CEACAM5: variants seen among roughly 807,000 people sequenced by gnomAD.
CEACAM5 encodes CEA cell adhesion molecule 5.
In CEACAM5, 52 loss-of-function variants were observed where a neutral mutation model predicts 63.0. The ratio of observed to expected loss-of-function variants is 0.83; its 90% CI spans 0.66 to 1.04. The LOEUF is 1.04. Among genes scored for constraint, CEACAM5 ranks in the 50% least tolerant of loss-of-function variants. CEACAM5 has a pLI of 0.00. For missense variants in CEACAM5, 790 were observed against 864.8 expected (o/e 0.91, Z 1.08); for synonymous variants, 357 against 351.3 (o/e 1.02, Z -0.18).
At position 41,730,234 on chromosome 19, in the gene CEACAM5, C is replaced by T. The variant is rs1356098517; in HGVS notation, c.*1087C>T. ...AGGAGATCCAGACCATCCTGGCTAA[C>T]ACAGTGAAACCCCGTCTCTACTAAA... On this transcript the variant is annotated 3_prime_UTR_variant, in exon 10 of 10. Transcript: ENST00000221992. Among the ~76,000 whole-genome samples the T allele has an allele frequency of 3.9e-5, 6 of 152,094 alleles. No individual in the cohort carries two copies. Among genetic ancestry groups the T allele is most frequent in the African/African-American group, 1.4e-4 (6 of 41,418 alleles).
intron 2 of CEACAM5, among the ~76,000 whole-genome samples, chr19:41,712,350 C>A (rs2072449542): frequency 6.6e-6 from 1 of 152,216 alleles, no homozygotes; most frequent in Non-Finnish European, 1.5e-5. Flanking sequence ...GAGAAGTGAA[C>A]CAGCCACTGG....
rs375165799 is a variant in CEACAM5, at chr19:41,720,971, G to C, written c.1821G>C (p.Ser607=). ...IISPPDSSYL[S]GANLNLSCHS... is the part of the protein sequence containing the mutation. The stretch of plus-strand genomic sequence containing the variant: ...CCCCCCCAGACTCGTCTTACCTTTC[G>C]GGAGCGAACCTCAACCTCTCCTGCC... The change falls in exon 8 of 10, where the codon TCG becomes TCC. Residue 607 remains serine (S), a synonymous_variant. Coordinates refer to ENST00000221992, the MANE Select transcript of CEACAM5 (RefSeq NM_004363.6). 1.5e-5 allele frequency: 24 copies of C among 1,613,754 alleles called. No homozygotes were observed. The highest frequency in any genetic ancestry group is 2.0e-5 in the Non-Finnish European group (24 of 1,179,996).
intron 8 of CEACAM5, among the ~76,000 whole-genome samples, chr19:41,723,159 G>A (rs8105784): frequency 0.39 from 58,757 of 151,584 alleles, 12,560 homozygotes; most frequent in African/African-American, 0.58. Flanking sequence ...TGATCCGCCT[G>A]CCTTGGCCTC....
chr19:41,722,215 A>G (rs1892667499), intron 8 of CEACAM5, among the ~76,000 whole-genome samples: 1 of 151,518 alleles, frequency 6.6e-6, no homozygotes, highest in African/African-American at 2.4e-5. Flanking sequence ...AAAAAAAAAA[A>G]TAGCTAGGCA....
Position 41,714,955 on chromosome 19 carries a change from T to C in CEACAM5, c.425-16T>C. Reference sequence around the variant, plus strand: ...AGGTGCCACACAGGGCAATCTTCTCTCTGTTATCTGCACAGCGGAGCTGCC... The same window carrying C: ...AGGTGCCACACAGGGCAATCTTCTCCCTGTTATCTGCACAGCGGAGCTGCC... On this transcript the variant is annotated splice_polypyrimidine_tract_variant and intron_variant, in intron 2 of 9. Coordinates refer to ENST00000221992, the MANE Select transcript of CEACAM5 (RefSeq NM_004363.6). The C allele has an allele frequency of 6.2e-7, 1 of 1,614,120 alleles. No homozygotes were observed. The highest frequency in any genetic ancestry group is 1.3e-5 in the African/African-American group (1 of 75,038).
intron 2 of CEACAM5, among the ~76,000 whole-genome samples, chr19:41,712,217 T>G (rs372307162): frequency 2.6e-5 from 4 of 152,178 alleles, no homozygotes; most frequent in Admixed American, 2.6e-4. Context: ...CTCCAGTGGA[T>G]CCTGGGACCT....
rs1451683483 is a variant in CEACAM5, at chr19:41,718,401, C to G, written c.1492+19C>G. On this transcript the variant is annotated intron_variant, in intron 6 of 9. Coordinates refer to ENST00000221992, the MANE Select transcript of CEACAM5 (RefSeq NM_004363.6). ...GTCTCTGGTAAGTGGATCCCTGGAC[C>G]GTTAGCAATATGTTCTGGAGCGGAA... 1 of 1,612,232 alleles carries G rather than the reference C, an allele frequency of 6.2e-7. No individual in the cohort carries two copies.
Position 41,709,728 on chromosome 19 carries a change from T to A in CEACAM5, c.113T>A (p.Ile38Asn), listed in dbSNP as rs782785872. The A allele has an allele frequency of 6.8e-6, 11 of 1,614,036 alleles. No homozygotes were observed. The highest frequency in any genetic ancestry group is 7.6e-6 in the Non-Finnish European group (9 of 1,180,022). Residue 38 changes from isoleucine to asparagine, a missense_variant, in exon 2 of 10, where the codon ATT (isoleucine) becomes AAT (asparagine). Physicochemically the swap from Ile to Asn is moderately radical, Grantham distance 149. Transcript: ENST00000221992. ...WNPPTTAKLT[I>N]ESTPFNVAEG... Reference sequence around the variant, plus strand: ...CCGCCCACCACTGCCAAGCTCACTATTGAATCCACGCCGTTCAATGTCGCA... The same window carrying A: ...CCGCCCACCACTGCCAAGCTCACTAATGAATCCACGCCGTTCAATGTCGCA...
Position 41,722,392 on chromosome 19 carries a change from A to T in CEACAM5, c.2026+1216A>T, listed in dbSNP as rs189982628. 7.8e-3 allele frequency among the ~76,000 whole-genome samples: 1,186 copies of T among 151,964 alleles called. 9 individuals carry two copies. Among genetic ancestry groups the T allele is most frequent in the Non-Finnish European group, 0.012 (804 of 67,936 alleles). ...AAAAAAAAAAAAAAGGAAAAAATAA[A>T]TCAAGTCTTTTTATACTCATGTCTA... On this transcript the variant is annotated intron_variant, in intron 8 of 9. Transcript: ENST00000221992.
Position 41,715,011 on chromosome 19 carries a change from A to C in CEACAM5, c.465A>C (p.Lys155Asn). The C allele has an allele frequency of 6.2e-7, 1 of 1,613,998 alleles. No homozygotes were observed. Among genetic ancestry groups the C allele is most frequent in the Non-Finnish European group, 8.5e-7 (1 of 1,180,002 alleles). Residue 155 changes from lysine (K) to asparagine (N), a missense_variant, in exon 3 of 10, where the codon AAA (lysine) becomes AAC (asparagine). Coordinates refer to ENST00000221992, the MANE Select transcript of CEACAM5 (RefSeq NM_004363.6). ...PKPSISSNNSKPVEDKDAVAF... is the reference protein window; with the variant it reads ...PKPSISSNNSNPVEDKDAVAF... ...CCTCCATCTCCAGCAACAACTCCAA[A>C]CCCGTGGAGGACAAGGATGCTGTGG...
At chr19:41,722,891 T>TTTTGTTTGTTTG (rs372037041) in intron 8 of CEACAM5, among the ~76,000 whole-genome samples, 2 of 151,722 alleles carry the variant, frequency 1.3e-5, no homozygotes, top group African/African-American at 4.9e-5. Context: ...TAATTCTTTT[T>TTTTGTTTGTTTG]TTTGTTTGTT....
intron 2 of CEACAM5, among the ~76,000 whole-genome samples, chr19:41,714,140 G>A (rs1015737006): frequency 1.2e-4 from 19 of 152,084 alleles, no homozygotes; most frequent in African/African-American, 4.3e-4. Context: ...GCTTGAACCC[G>A]GGAGGCAGAG....
rs782382763 is a variant in CEACAM5, at chr19:41,717,586, C to A, written c.1090C>A (p.Pro364Thr). The A allele has an allele frequency of 6.2e-7, 1 of 1,614,206 alleles. No homozygotes were observed. The highest frequency in any genetic ancestry group is 8.5e-7 in the Non-Finnish European group (1 of 1,180,032). The change falls in exon 5 of 10, where the codon CCG becomes ACG. Residue 364 changes from proline to threonine, a missense_variant. By Grantham distance (38) the Pro-to-Thr change is conservative. Transcript: ENST00000221992. ...YLWWVNNQSL[P>T]VSPRLQLSND... ...GTGGTGGGTAAATAATCAGAGCCTC[C>A]CGGTCAGTCCCAGGCTGCAGCTGTC... is the stretch of plus-strand genomic sequence containing the variant.
chr19:41,724,498 CA>C (rs1208964056), intron 8 of CEACAM5, among the ~76,000 whole-genome samples: 1 of 152,004 alleles, frequency 6.6e-6, no homozygotes, highest in Non-Finnish European at 1.5e-5. Flanking sequence ...TCTATTTCTG[CA>C]AAAAATGTCA....
In CEACAM5 at chr19:41,708,704, G is replaced by A. The variant is rs782399172; in HGVS notation, c.-28G>A. 2 of 1,599,474 alleles carry A rather than the reference G, an allele frequency of 1.3e-6. No homozygotes were observed. The highest frequency in any genetic ancestry group is 1.7e-6 in the Non-Finnish European group (2 of 1,170,476). ...CCTGGAACTCAAGCTCTTCTCCACA[G>A]AGGAGGACAGAGCAGACAGCAGAGA... On this transcript the variant is annotated 5_prime_UTR_variant, in exon 1 of 10. Coordinates refer to ENST00000221992, the MANE Select transcript of CEACAM5 (RefSeq NM_004363.6).
chr19:41,730,505 T>C (rs1373345084), downstream of CEACAM5, among the ~76,000 whole-genome samples: 1 of 152,064 alleles, frequency 6.6e-6, no homozygotes, highest in Non-Finnish European at 1.5e-5. Flanking sequence ...AAAATAAACT[T>C]ATTTTGAAAA....
Position 41,721,829 on chromosome 19 carries a change from C to T in CEACAM5, c.2026+653C>T, listed in dbSNP as rs114084545. Among the ~76,000 whole-genome samples the T allele has an allele frequency of 2.7e-3, 417 of 152,284 alleles. 4 individuals carry two copies. The highest frequency in any genetic ancestry group is 9.6e-3 in the African/African-American group (397 of 41,550). On this transcript the variant is annotated intron_variant, in intron 8 of 9. Transcript: ENST00000221992. ...AGGGAAATGGGAAAAGAGGGAGCCT[C>T]GGGACAGACTCCTGAGCTGTGTCCT...
Position 41,724,676 on chromosome 19 carries a change from T to C in CEACAM5, c.2027-2558T>C, listed in dbSNP as rs575137058. Among the ~76,000 whole-genome samples, 7 of 152,352 alleles carry C rather than the reference T, an allele frequency of 4.6e-5. No individual in the cohort carries two copies. In the South Asian group the frequency reaches 1.5e-3, roughly 32 times the overall value. The stretch of plus-strand genomic sequence containing the variant: ...TTTTATAGTTTTCAGGGTACAATCC[T>C]TTCACCTCCTTGGTTAAGCTTATTT... On this transcript the variant is annotated intron_variant, in intron 8 of 9. Transcript: ENST00000221992.
In CEACAM5 at chr19:41,730,419, C is replaced by CAAAAA. The variant is rs34510228; in HGVS notation, c.*1282_*1286dup. Among the ~76,000 whole-genome samples, 5 of 131,238 alleles carry CAAAAA rather than the reference C, an allele frequency of 3.8e-5. No homozygotes were observed. Among genetic ancestry groups the CAAAAA allele is most frequent in the Non-Finnish European group, 4.9e-5 (3 of 60,680 alleles). 86.1% of individuals were successfully genotyped at this position (131,238 alleles called of 152,430 possible). ...CCTGGGAGACAAAGTGAGACTCCGTCAAAAAAAAAAAAAAGTCTATGTGGT... is the reference window on the plus strand; with the variant it reads ...CCTGGGAGACAAAGTGAGACTCCGTCAAAAAAAAAAAAAAAAAAAGTCTATGTGGT... On this transcript the variant is annotated 3_prime_UTR_variant, in exon 10 of 10. Transcript: ENST00000221992.
Sources: allele counts gnomAD v4.1 joint callset (sites outside exome capture counted in the v4.1 genomes callset), GRCh38; gene constraint gnomAD v4.1.1; transcripts MANE v1.5; gene names NCBI Gene and HGNC (gene_info 2026-07-23, HGNC 2026-07-21).